SV2C: variants seen among roughly 807,000 people sequenced by gnomAD.
SV2C encodes solute carrier family 22 member B3.
Under a neutral mutation model 79.7 loss-of-function variants are expected in SV2C, and 49 were observed. That is an observed-to-expected ratio of 0.61 (90% CI 0.49 to 0.78). The LOEUF is 0.78. Ranked by LOEUF, SV2C falls within the 30% of genes least tolerant of loss-of-function variation. The probability of loss-of-function intolerance (pLI) is 0.00; values close to 1 mark genes in which losing one functional copy is unlikely to be tolerated. For synonymous variants in SV2C, 334 were observed against 333.2 expected, an observed-to-expected ratio of 1.00 and a Z score of -0.03; for missense variants, 833 against 912.9, an observed-to-expected ratio of 0.91 and a Z score of 1.13.
intron 4 of SV2C, among the ~76,000 whole-genome samples, chr5:76,242,870 A>C (rs1260190716): frequency 1.3e-5 from 2 of 151,676 alleles, no homozygotes; most frequent in Non-Finnish European, 2.9e-5. Context: ...CCATATCTAC[A>C]AAAAATTTAA....
intron 3 of SV2C, among the ~76,000 whole-genome samples, chr5:76,196,607 C>T (rs1381495462): frequency 3.9e-5 from 6 of 152,152 alleles, no homozygotes. Context: ...GTGAGTAGGT[C>T]CATAGGATAA....
chr5:76,172,484 C>T (rs1166616245), intron 2 of SV2C, among the ~76,000 whole-genome samples: 22 of 81,576 alleles, frequency 2.7e-4, no homozygotes, highest in African/African-American at 8.5e-4. Flanking sequence ...CGCCTCTGCC[C>T]GGCCGCCCCT....
rs1743589951 is a variant in SV2C at position 76,177,816 on chromosome 5, G to A, written c.581-17103G>A. 2.0e-5 allele frequency among the ~76,000 whole-genome samples: 3 copies of A among 152,086 alleles called. 1 individual carries two copies. In the South Asian group the frequency reaches 6.2e-4, roughly 32 times the overall value. On this transcript the variant is annotated intron_variant, in intron 2 of 12. Transcript: ENST00000502798. ...GAGGTCACTCAGTGGTATTTTGCTG[G>A]AGGGTCTAAGATGACTGACATCTGG...
the SV2C span, among the ~76,000 whole-genome samples, chr5:76,000,428 C>A: frequency 2.0e-5 from 3 of 152,094 alleles, no homozygotes; most frequent in Non-Finnish European, 2.9e-5. Context: ...TGTGAACCTG[C>A]ATAATGCTGG....
the SV2C span, among the ~76,000 whole-genome samples, chr5:75,916,182 T>C: frequency 6.6e-6 from 1 of 152,142 alleles, no homozygotes; most frequent in Non-Finnish European, 1.5e-5. Context: ...CAGAAGATGC[T>C]TCTTTTTCTT....
Position 76,325,763 on chromosome 5 carries a change from A to G in SV2C, c.*216A>G. On this transcript the variant is annotated 3_prime_UTR_variant, in exon 13 of 13. Coordinates refer to ENST00000502798, the MANE Select transcript of SV2C (RefSeq NM_014979.4). ...TTTTGTTTTGTTTGAATGCATTGTTATCTTTCCAAACTGTGATGCTACTGC... is the reference window on the plus strand; with the variant it reads ...TTTTGTTTTGTTTGAATGCATTGTTGTCTTTCCAAACTGTGATGCTACTGC... The G allele has an allele frequency of 1.7e-6, 1 of 605,746 alleles. No homozygotes were observed. The highest frequency in any genetic ancestry group is 2.6e-6 in the Non-Finnish European group (1 of 380,870). 37.5% of individuals were successfully genotyped at this position (605,746 alleles called of 1,614,324 possible). A position where few individuals can be genotyped will look rare whatever the true frequency, so the allele number is the denominator to read the frequency against.
intron 1 of SV2C, among the ~76,000 whole-genome samples, chr5:76,086,916 G>A (rs1561209528): frequency 6.6e-6 from 1 of 152,164 alleles, no homozygotes; most frequent in Non-Finnish European, 1.5e-5. Flanking sequence ...CTTGAGGATG[G>A]CTTACCTATT....
chr5:76,065,668 C>T, the SV2C span, among the ~76,000 whole-genome samples: 1 of 152,110 alleles, frequency 6.6e-6, no homozygotes. Flanking sequence ...AATTTTTACA[C>T]TCTAGGTTTT....
the SV2C span, chr5:75,921,006 C>T: frequency 3.0e-5 from 21 of 706,036 alleles, no homozygotes; most frequent in Middle Eastern, 3.7e-4. Context: ...TGCGAGTCCT[C>T]GCGGTAGTTC....
chr5:75,853,607 C>CAAAAAA, the SV2C span, among the ~76,000 whole-genome samples: 1,057 of 28,490 alleles, frequency 0.037, 83 homozygotes, highest in East Asian at 0.074. Context: ...GACTCCGTCT[C>CAAAAAA]AAAAAAAAAA....
At chr5:76,240,229 CCCACA>C (rs1745741961) in intron 4 of SV2C, among the ~76,000 whole-genome samples, 2 of 152,298 alleles carry the variant, frequency 1.3e-5, no homozygotes, top group African/African-American at 4.8e-5. Flanking sequence ...AGACTGCATT[CCCACA>C]CCCCTACCCC....
chr5:76,173,841 C>T (rs1743417415), intron 2 of SV2C: 2 of 1,597,378 alleles, frequency 1.3e-6, no homozygotes, highest in South Asian at 1.1e-5. Context: ...CACTTATTAC[C>T]AACAAGAATC....
At chr5:76,064,734 G>C in the SV2C span, among the ~76,000 whole-genome samples, 2 of 152,116 alleles carry the variant, frequency 1.3e-5, no homozygotes, top group African/African-American at 4.8e-5. Flanking sequence ...GATTGAGATG[G>C]TCAGAAGGTT....
At chr5:75,914,192 C>T in the SV2C span, among the ~76,000 whole-genome samples, 8 of 152,110 alleles carry the variant, frequency 5.3e-5, no homozygotes, top group Non-Finnish European at 7.4e-5. Flanking sequence ...AAAACAAAAA[C>T]AAAATGTGAG....
intron 1 of SV2C, among the ~76,000 whole-genome samples, chr5:76,125,267 A>AT (rs544559786): frequency 2.9e-4 from 44 of 152,294 alleles, no homozygotes; most frequent in African/African-American, 1.1e-3. Context: ...CATTTGGAAA[A>AT]CTTAGTTTCA....
the SV2C span, among the ~76,000 whole-genome samples, chr5:75,933,596 A>G: frequency 1.3e-5 from 2 of 152,340 alleles, no homozygotes; most frequent in Admixed American, 1.3e-4. Context: ...GGGCAGGACC[A>G]TCAGTGGATA....
At chr5:75,901,574 A>G in the SV2C span, among the ~76,000 whole-genome samples, 1 of 152,352 alleles carries the variant, frequency 6.6e-6, no homozygotes, top group African/African-American at 2.4e-5. Flanking sequence ...GCCCCTTCTC[A>G]GATCTCCAGC....
At chr5:76,176,715 T>C (rs1033725738) in intron 2 of SV2C, among the ~76,000 whole-genome samples, 9 of 152,206 alleles carry the variant, frequency 5.9e-5, no homozygotes, top group Non-Finnish European at 1.2e-4. Context: ...AGTTTATGGC[T>C]GGAATTATGG....
chr5:76,305,091 T>TCAAA (rs1360413839), intron 12 of SV2C, among the ~76,000 whole-genome samples: 1 of 151,976 alleles, frequency 6.6e-6, no homozygotes, highest in Non-Finnish European at 1.5e-5. Flanking sequence ...CCACACACTT[T>TCAAA]CAAACAACCA....
Sources: allele counts gnomAD v4.1 joint callset (sites outside exome capture counted in the v4.1 genomes callset), GRCh38; gene constraint gnomAD v4.1.1; transcripts MANE v1.5; gene names NCBI Gene and HGNC (gene_info 2026-07-23, HGNC 2026-07-21).